The following BANP variants were observed in gnomAD, a reference collection of about 807,000 sequenced individuals.
The protein encoded by BANP is protein BANP.
BANP carries 11 observed loss-of-function variants against 68.1 expected under a neutral mutation model. The observed-to-expected ratio is 0.16, with a 90% confidence interval of 0.10 to 0.27. The LOEUF (loss-of-function observed/expected upper bound fraction) is 0.27, where lower values mean the gene tolerates loss of function less well. BANP is among the 10% of genes least tolerant of loss of function. The pLI, the probability that BANP is intolerant of heterozygous loss-of-function variation, is 1.00. For missense variants in BANP, 504 were observed against 722.7 expected (o/e 0.70, Z 3.47); for synonymous variants, 329 against 303.2 (o/e 1.09, Z -0.88).
At chr16:88,056,681 C>A (rs886203334) in intron 11 of BANP, among the ~76,000 whole-genome samples, 11 of 152,332 alleles carry the variant, frequency 7.2e-5, no homozygotes, top group Non-Finnish European at 1.6e-4. Context: ...GCATCAGACT[C>A]TGTGATGTCA....
chr16:88,010,297 A>G (rs1021682005), intron 6 of BANP, among the ~76,000 whole-genome samples: 4 of 152,266 alleles, frequency 2.6e-5, no homozygotes, highest in Admixed American at 2.6e-4. Flanking sequence ...GATAATTCTT[A>G]CAAAACGTGA....
At chr16:87,966,829 CCT>C (rs1465834121) in intron 1 of BANP, 1 of 152,342 alleles carries the variant, frequency 6.6e-6, no homozygotes, top group African/African-American at 2.4e-5. Flanking sequence ...TCCAGAATAC[CCT>C]GTTTTGAACC....
Position 87,984,281 on chromosome 16 carries a change from G to T in BANP, c.362+22G>T, listed in dbSNP as rs768787794. The T allele has an allele frequency of 3.2e-6, 5 of 1,548,176 alleles. No individual in the cohort carries two copies. The African/African-American group carries it at 6.9e-5, about 21-fold the overall frequency. On this transcript the variant is annotated intron_variant, in intron 4 of 13. Transcript: ENST00000682872. ...GATGGTAAGAACAGACCAGGGTGCC[G>T]GGGCCTTCAGGTCACTTGGGGAGAA...
intron 1 of BANP, among the ~76,000 whole-genome samples, chr16:87,974,653 T>C (rs2061693936): frequency 6.6e-6 from 1 of 150,806 alleles, no homozygotes; most frequent in African/African-American, 2.4e-5. Flanking sequence ...GTGTGGTGAG[T>C]GTAGCAGGGC....
In BANP at chr16:88,043,469, C is replaced by A. The variant is rs1467224463; in HGVS notation, c.1311+5458C>A. On this transcript the variant is annotated intron_variant, in intron 11 of 13. Coordinates refer to ENST00000682872, the MANE Select transcript of BANP (RefSeq NM_001386991.1). ...CCGGGCAGCATTTTCCTTTACTGCA[C>A]AATCCCTGTAGTGTTGGCTTTGTTG... Among the ~76,000 whole-genome samples the A allele has an allele frequency of 2.0e-5, 3 of 152,216 alleles. No homozygotes were observed. The South Asian group carries it at 6.2e-4, about 31-fold the overall frequency.
rs781388595 is a variant in BANP at position 87,957,989 on chromosome 16, C to T, written c.-69+6474C>T. ...CCAGTCTGCGTTTTCTGCCGAAATG[C>T]GTCCCTGAGATTGAGAAAGTTCACA... On this transcript the variant is annotated intron_variant, in intron 1 of 13. Coordinates refer to ENST00000682872, the MANE Select transcript of BANP (RefSeq NM_001386991.1). The surrounding 1 kb of genome is among the most constrained non-coding windows in gnomAD (Gnocchi z 4.3). Among the ~76,000 whole-genome samples the T allele has an allele frequency of 9.9e-5, 15 of 152,116 alleles. No homozygotes were observed. Among genetic ancestry groups the T allele is most frequent in the Non-Finnish European group, 2.1e-4 (14 of 68,036 alleles).
At chr16:87,970,725 A>G (rs941570100) in intron 1 of BANP, among the ~76,000 whole-genome samples, 4 of 152,190 alleles carry the variant, frequency 2.6e-5, no homozygotes, top group African/African-American at 9.7e-5. Context: ...GCGTCCTCAG[A>G]CAGAACTCTA....
Position 88,004,206 on chromosome 16 carries a change from G to A in BANP, c.363-89G>A, listed in dbSNP as rs1313137400. On this transcript the variant is annotated intron_variant, in intron 4 of 13. Transcript: ENST00000682872. The surrounding 1 kb of genome is among the most constrained non-coding windows in gnomAD (Gnocchi z 7.0). ...CCCCTCAGTGCGGGTCCCTGGGAGT[G>A]GACTGTGTTGAATGACTCTTATGTG... 1.2e-6 allele frequency: 1 copy of A among 813,382 alleles called. No individual in the cohort carries two copies. The highest frequency in any genetic ancestry group is 2.7e-5 in the East Asian group (1 of 37,430). The allele number at this position is 813,382 out of a possible 1,614,324, so 50.4% of individuals were successfully genotyped here. A position where few individuals can be genotyped will look rare whatever the true frequency, so the allele number is the denominator to read the frequency against.
In BANP at chr16:88,071,651, C is replaced by T. The variant is rs954513154; in HGVS notation, c.1378-418C>T. Reference sequence around the variant, plus strand: ...GGAGGGTTTGGGTCTCAGCCTCACGCTCACGGTCCTGGCTTGGATTTTAGG... The same window carrying T: ...GGAGGGTTTGGGTCTCAGCCTCACGTTCACGGTCCTGGCTTGGATTTTAGG... On this transcript the variant is annotated intron_variant, in intron 12 of 13. Coordinates refer to ENST00000682872, the MANE Select transcript of BANP (RefSeq NM_001386991.1). This position sits in a 1 kb window ranked among gnomAD's most constrained non-coding sequence, Gnocchi z 6.5. 3.4e-5 allele frequency: 16 copies of T among 467,486 alleles called. No individual in the cohort carries two copies. In the Admixed American group the frequency reaches 3.7e-4, roughly 11 times the overall value. 29.0% of individuals were successfully genotyped at this position (467,486 alleles called of 1,614,324 possible). A position where few individuals can be genotyped will look rare whatever the true frequency, so the allele number is the denominator to read the frequency against.
chr16:88,025,149 C>T (rs778719299), intron 7 of BANP, among the ~76,000 whole-genome samples: 6 of 152,148 alleles, frequency 3.9e-5, no homozygotes, highest in Non-Finnish European at 7.3e-5. Context: ...CTTGCCCTCC[C>T]GGTGGCAGCA....
At chr16:87,987,321 T>C (rs530319397) in intron 4 of BANP, among the ~76,000 whole-genome samples, 185 of 152,314 alleles carry the variant, frequency 1.2e-3, no homozygotes, top group African/African-American at 4.3e-3. Flanking sequence ...TTAGGTGATC[T>C]GCCTGCCTCG....
At chr16:87,961,102 C>G (rs540823571) in intron 1 of BANP, among the ~76,000 whole-genome samples, 1 of 152,244 alleles carries the variant, frequency 6.6e-6, no homozygotes, top group African/African-American at 2.4e-5. Flanking sequence ...GGTAAAAGAT[C>G]CATTTAGAGT....
intron 4 of BANP, among the ~76,000 whole-genome samples, chr16:87,985,769 C>T (rs1248098221): frequency 6.6e-6 from 1 of 152,174 alleles, no homozygotes; most frequent in Non-Finnish European, 1.5e-5. Context: ...CCAGGTGTGA[C>T]ACTGGGAGTT....
intron 7 of BANP, among the ~76,000 whole-genome samples, chr16:88,026,227 G>A (rs758112623): frequency 1.3e-5 from 2 of 152,210 alleles, no homozygotes; most frequent in African/African-American, 2.4e-5. Context: ...ACCTGGCTTT[G>A]GCCCCACAGT....
At chr16:88,043,777 C>A (rs966779382) in intron 11 of BANP, among the ~76,000 whole-genome samples, 8 of 151,992 alleles carry the variant, frequency 5.3e-5, no homozygotes, top group African/African-American at 1.9e-4. Context: ...CAGACGGTGC[C>A]AGGAGTGTAA....
At chr16:87,994,043 G>A (rs1323467387) in intron 4 of BANP, among the ~76,000 whole-genome samples, 11 of 152,202 alleles carry the variant, frequency 7.2e-5, no homozygotes, top group South Asian at 2.1e-4. Context: ...GGGCCCTGGC[G>A]TTAGAGACCA....
At chr16:88,072,700 G>A (rs952898092) in intron 13 of BANP, among the ~76,000 whole-genome samples, 19 of 152,242 alleles carry the variant, frequency 1.2e-4, no homozygotes, top group African/African-American at 3.4e-4. Context: ...TCCATACCTC[G>A]CAGGCAGAAG....
intron 10 of BANP, 54 bp downstream of exon 10, chr16:88,035,448 C>T (rs1024971309): frequency 1.2e-5 from 18 of 1,492,272 alleles, no homozygotes; most frequent in African/African-American, 5.6e-5. Context: ...CCCACATGCT[C>T]CCGACCTTCA....
At chr16:88,075,806 G>C (rs2091487718) in intron 13 of BANP, among the ~76,000 whole-genome samples, 2 of 149,172 alleles carry the variant, frequency 1.3e-5, no homozygotes, top group Middle Eastern at 6.9e-3. Flanking sequence ...GAGTGCATTG[G>C]TGCAATCTCG....
Sources: allele counts gnomAD v4.1 joint callset (sites outside exome capture counted in the v4.1 genomes callset), GRCh38; gene constraint gnomAD v4.1.1; non-coding constraint Gnocchi (gnomAD v3.1); transcripts MANE v1.5; gene names NCBI Gene and HGNC (gene_info 2026-07-23, HGNC 2026-07-21).